The following DTWD2 variants were observed in gnomAD, a reference collection of about 807,000 sequenced individuals.
The protein encoded by DTWD2 is DTW motif tRNA-uridine aminocarboxypropyltransferase 2.
A neutral mutation model predicts 31.8 loss-of-function variants in DTWD2; 39 were observed. The ratio of observed to expected loss-of-function variants is 1.22; its 90% CI spans 0.95 to 1.60. The LOEUF (loss-of-function observed/expected upper bound fraction) is 1.60. Ranked by LOEUF, DTWD2 falls within the 40% of genes most tolerant of loss-of-function variation. The pLI, the probability that DTWD2 is intolerant of heterozygous loss-of-function variation, is 0.00. For synonymous variants in DTWD2, 180 were observed against 142.8 expected, an observed-to-expected ratio of 1.26 and a Z score of -1.86; for missense variants, 515 against 381.5, an observed-to-expected ratio of 1.35 and a Z score of -2.92.
intron 4 of DTWD2, among the ~76,000 whole-genome samples, chr5:118,909,315 T>G (rs1418067262): frequency 6.6e-6 from 1 of 152,190 alleles, no homozygotes; most frequent in Non-Finnish European, 1.5e-5. Flanking sequence ...GCCCCACAGT[T>G]GTGAGCACTG....
At chr5:118,927,088 AAGAGAGACGG>A (rs902413370) in intron 4 of DTWD2, among the ~76,000 whole-genome samples, 4 of 152,078 alleles carry the variant, frequency 2.6e-5, no homozygotes, top group Non-Finnish European at 4.4e-5. Context: ...GAGAGAGACA[AAGAGAGACGG>A]AGAGAGACAG....
chr5:118,942,858 A>G (rs1393383775), intron 2 of DTWD2, among the ~76,000 whole-genome samples: 1 of 152,046 alleles, frequency 6.6e-6, no homozygotes, highest in East Asian at 1.9e-4. Context: ...GCTAGAGTGC[A>G]ATGTCACAAT....
chr5:118,845,278 T>C (rs1751824096), intron 5 of DTWD2, among the ~76,000 whole-genome samples: 1 of 152,212 alleles, frequency 6.6e-6, no homozygotes, highest in Non-Finnish European at 1.5e-5. Context: ...TAAAAGGTTA[T>C]TGGGAAAAAG....
chr5:118,906,505 C>T (rs1018858908), intron 4 of DTWD2, among the ~76,000 whole-genome samples: 8 of 151,910 alleles, frequency 5.3e-5, no homozygotes, highest in African/African-American at 1.9e-4. Flanking sequence ...CAATGGAATA[C>T]CATTAAGAAA....
At chr5:118,849,017 T>C (rs1751933524) in intron 4 of DTWD2, among the ~76,000 whole-genome samples, 1 of 152,124 alleles carries the variant, frequency 6.6e-6, no homozygotes, top group African/African-American at 2.4e-5. Context: ...AAGCCAAAAT[T>C]GACAAATGGG....
At chr5:118,857,537 G>A (rs1368669096) in intron 4 of DTWD2, among the ~76,000 whole-genome samples, 1 of 152,002 alleles carries the variant, frequency 6.6e-6, no homozygotes, top group Non-Finnish European at 1.5e-5. Flanking sequence ...TAATTTTTCG[G>A]AGTCTTTATA....
chr5:118,956,313 A>G (rs1423424067), intron 1 of DTWD2, among the ~76,000 whole-genome samples: 2 of 152,246 alleles, frequency 1.3e-5, no homozygotes, highest in African/African-American at 4.8e-5. Context: ...ATGTAATTAC[A>G]TTCTTAAAAT....
At chr5:118,985,475 T>C (rs1475168706) in intron 1 of DTWD2, among the ~76,000 whole-genome samples, 3 of 140,890 alleles carry the variant, frequency 2.1e-5, no homozygotes, top group Admixed American at 7.2e-5. Context: ...AAAGACCACA[T>C]GCTTATGTGC....
At chr5:118,974,496 T>C (rs1332990438) in intron 1 of DTWD2, 2 of 461,670 alleles carry the variant, frequency 4.3e-6, no homozygotes, top group African/African-American at 2.1e-5. Flanking sequence ...GTCCTACTTC[T>C]GACTTTACTT....
At chr5:118,898,321 T>A (rs1753126592) in intron 4 of DTWD2, among the ~76,000 whole-genome samples, 1 of 152,110 alleles carries the variant, frequency 6.6e-6, no homozygotes, top group African/African-American at 2.4e-5. Flanking sequence ...AAAAAATTAA[T>A]GTACAACATT....
intron 1 of DTWD2, among the ~76,000 whole-genome samples, chr5:118,976,904 A>G (rs1755175154): frequency 6.6e-6 from 1 of 152,240 alleles, no homozygotes; most frequent in East Asian, 1.9e-4. Flanking sequence ...TTTCAGGCCA[A>G]TATCCCTGAT....
chr5:118,861,697 G>C (rs1222911994), intron 4 of DTWD2, among the ~76,000 whole-genome samples: 1 of 152,140 alleles, frequency 6.6e-6, no homozygotes, highest in African/African-American at 2.4e-5. Context: ...ATAAGGCAGA[G>C]ACAGCAGGGG....
At chr5:118,963,905 G>A (rs1754764609) in intron 1 of DTWD2, among the ~76,000 whole-genome samples, 1 of 152,126 alleles carries the variant, frequency 6.6e-6, no homozygotes, top group South Asian at 2.1e-4. Flanking sequence ...CTAACTTGGT[G>A]AAAGAAGATA....
chr5:118,973,639 GGC>G (rs1755046960), intron 1 of DTWD2, among the ~76,000 whole-genome samples: 1 of 148,878 alleles, frequency 6.7e-6, no homozygotes, highest in African/African-American at 2.4e-5. Context: ...CCTTGCTCGC[GGC>G]AGCCTCCTTG....
chr5:118,950,546 G>A (rs1282161826), intron 1 of DTWD2, among the ~76,000 whole-genome samples: 2 of 152,208 alleles, frequency 1.3e-5, no homozygotes, highest in Non-Finnish European at 2.9e-5. Flanking sequence ...GGCTCTGGGA[G>A]TGGCTGCCGG....
intron 3 of DTWD2, among the ~76,000 whole-genome samples, chr5:118,938,256 G>A (rs1002764240): frequency 2.0e-5 from 3 of 152,124 alleles, no homozygotes; most frequent in Non-Finnish European, 2.9e-5. Flanking sequence ...AAATATAAAT[G>A]ATCTCATTTG....
At chr5:118,915,046 G>T (rs560596635) in intron 4 of DTWD2, among the ~76,000 whole-genome samples, 2 of 152,164 alleles carry the variant, frequency 1.3e-5, no homozygotes, top group South Asian at 4.1e-4. Flanking sequence ...ATAGAATCCT[G>T]TCTCTACTAA....
intron 4 of DTWD2, among the ~76,000 whole-genome samples, chr5:118,879,776 G>C (rs781118449): frequency 2.0e-4 from 31 of 152,132 alleles, no homozygotes; most frequent in Non-Finnish European, 3.4e-4. Context: ...TACATAGAGG[G>C]AAACAACACA....
At chr5:118,884,821 A>G (rs367636670) in intron 4 of DTWD2, among the ~76,000 whole-genome samples, 64 of 151,700 alleles carry the variant, frequency 4.2e-4, no homozygotes, top group African/African-American at 1.5e-3. Flanking sequence ...CCTGGCTAAC[A>G]CGGTGAAACC....
Sources: gnomAD v4.1 joint callset for allele counts (sites outside exome capture counted in the v4.1 genomes callset) on GRCh38, gnomAD v4.1.1 for gene constraint, MANE v1.5 for transcripts, NCBI Gene and HGNC (gene_info 2026-07-23, HGNC 2026-07-21) for gene names.